The following EXOC1 variants were observed in gnomAD, a reference collection of about 807,000 sequenced individuals.
EXOC1 encodes exocyst complex component 1, also known as SEC3-like 1.
In EXOC1, 67 loss-of-function variants were observed where a neutral mutation model predicts 107.7. The ratio of observed to expected loss-of-function variants is 0.62; its 90% CI spans 0.51 to 0.76. The LOEUF (loss-of-function observed/expected upper bound fraction) is 0.76, where lower values mean the gene tolerates loss of function less well. Ranked by LOEUF, EXOC1 falls within the 30% of genes least tolerant of loss-of-function variation. The pLI is 0.00. For missense variants in EXOC1, 833 were observed against 1,055.7 expected, an observed-to-expected ratio of 0.79 and a Z score of 2.92; for synonymous variants, 348 against 353.5, an observed-to-expected ratio of 0.98 and a Z score of 0.17.
intron 15 of EXOC1, 88 bp from the exon 16 acceptor site, chr4:55,896,629 A>T: frequency 9.4e-7 from 1 of 1,059,994 alleles, no homozygotes; most frequent in Non-Finnish European, 1.3e-6. Flanking sequence ...GTATATATCT[A>T]TATCTCCATC....
chr4:55,878,955 G>A (rs1343578822), intron 9 of EXOC1, among the ~76,000 whole-genome samples: 1 of 152,220 alleles, frequency 6.6e-6, no homozygotes, highest in East Asian at 1.9e-4. Flanking sequence ...GTTGAGCCAG[G>A]AAGATGGTGT....
intron 9 of EXOC1, among the ~76,000 whole-genome samples, chr4:55,882,296 G>A (rs563700028): frequency 4.5e-4 from 68 of 151,974 alleles, no homozygotes; most frequent in Admixed American, 2.0e-3. Context: ...ATGTGCCACC[G>A]CTCCCGGCTA....
intron 4 of EXOC1, among the ~76,000 whole-genome samples, chr4:55,866,038 TG>T (rs1360478330): frequency 6.6e-6 from 1 of 152,162 alleles, no homozygotes; most frequent in Admixed American, 6.5e-5. Context: ...TCTACAAACT[TG>T]TTTTATGGAC....
intron 15 of EXOC1, among the ~76,000 whole-genome samples, chr4:55,894,645 G>C (rs1196393645): frequency 1.2e-5 from 1 of 83,838 alleles, no homozygotes; most frequent in African/African-American, 4.8e-5. Context: ...TTTTTGAGAT[G>C]GAGTCTCGTT....
intron 2 of EXOC1, among the ~76,000 whole-genome samples, chr4:55,859,487 A>G (rs1721281265): frequency 6.6e-6 from 1 of 152,144 alleles, no homozygotes. Context: ...ATGTCTATCA[A>G]TCTTGCCAAA....
intron 4 of EXOC1, among the ~76,000 whole-genome samples, chr4:55,867,647 C>T (rs1722076036): frequency 6.6e-6 from 1 of 151,576 alleles, no homozygotes; most frequent in Admixed American, 6.6e-5. Context: ...AGCATGAAGC[C>T]TGTTTAACTT....
At chr4:55,892,109 T>G (rs1724627835) in intron 13 of EXOC1, among the ~76,000 whole-genome samples, 1 of 152,222 alleles carries the variant, frequency 6.6e-6, no homozygotes, top group Admixed American at 6.5e-5. Flanking sequence ...AGTCATAAAA[T>G]AAATGAGAAA....
intron 8 of EXOC1, among the ~76,000 whole-genome samples, chr4:55,873,244 A>G (rs1434146185): frequency 6.6e-6 from 1 of 152,160 alleles, no homozygotes; most frequent in Non-Finnish European, 1.5e-5. Flanking sequence ...ATGTTATGAC[A>G]GCGAGACTGT....
chr4:55,899,608 A>T, intron 16 of EXOC1, 77 bp from the exon 17 acceptor site: 2 of 1,302,862 alleles, frequency 1.5e-6, no homozygotes, highest in Non-Finnish European at 2.1e-6. Context: ...ATGAAAAAAA[A>T]TTAATAGTAT....
chr4:55,858,188 T>C, intron 1 of EXOC1, 126 bp from the exon 2 acceptor site: 1 of 812,402 alleles, frequency 1.2e-6, no homozygotes, highest in Non-Finnish European at 1.8e-6. Context: ...GATATAGGTG[T>C]ATTCATATAT....
intron 9 of EXOC1, among the ~76,000 whole-genome samples, chr4:55,882,099 T>TTTGTTG (rs57694786): frequency 0.66 from 100,263 of 150,920 alleles, 33,986 homozygotes; most frequent in East Asian, 0.81. Context: ...CCATAGGGTT[T>TTTGTTG]TTGTTGTTGT....
rs576337377 is a variant in EXOC1 at position 55,863,039 on chromosome 4, T to C, written c.256-1188T>C. Among the ~76,000 whole-genome samples, 11 of 152,174 alleles carry C rather than the reference T, an allele frequency of 7.2e-5. No individual in the cohort carries two copies. The South Asian group carries it at 1.5e-3, about 20-fold the overall frequency. On this transcript the variant is annotated intron_variant, in intron 3 of 18. Transcript: ENST00000381295. ...CCTTAGCCTCCCGAGTAGCTGGGAC[T>C]ACACGTACATGCCACTACACCCGGC...
chr4:55,876,797 T>C (rs1482004431), intron 8 of EXOC1: 21 of 984,198 alleles, frequency 2.1e-5, no homozygotes, highest in Non-Finnish European at 2.5e-5. Flanking sequence ...ATGTAATTTC[T>C]GTATAATGGG....
rs772700227 is a variant in EXOC1 at position 55,894,614 on chromosome 4, C to CTTTTTT, written c.1953+854_1953+859dup. On this transcript the variant is annotated intron_variant, in intron 15 of 18. Coordinates refer to ENST00000381295, the MANE Select transcript of EXOC1 (RefSeq NM_001024924.2). Reference sequence around the variant, plus strand: ...TTGACAACTTTCTTACTATCTGTTACTTTTTTTTTTTTTTTTTTTTTTTTT... The same window carrying CTTTTTT: ...TTGACAACTTTCTTACTATCTGTTACTTTTTTTTTTTTTTTTTTTTTTTTTTTTTTT... 3.9e-3 allele frequency among the ~76,000 whole-genome samples: 299 copies of CTTTTTT among 76,098 alleles called. 1 individual carries two copies. Among genetic ancestry groups the CTTTTTT allele is most frequent in the Middle Eastern group, 0.022 (1 of 46 alleles). The allele number at this position is 76,098 out of a possible 152,430, so 49.9% of individuals were successfully genotyped here.
At chr4:55,886,567 CAAAAAAACAAAAAAA>C (rs1401616205) in intron 10 of EXOC1, among the ~76,000 whole-genome samples, 2 of 119,684 alleles carry the variant, frequency 1.7e-5, no homozygotes, top group African/African-American at 6.3e-5. Context: ...AACAAAAAAA[CAAAAAAACAAAAAAA>C]AAAAAAACAA....
Position 55,893,775 on chromosome 4 carries a change from T to TG in EXOC1, c.1949dup (p.Cys650TrpfsTer3), listed in dbSNP as rs781045641. On this transcript the variant is annotated frameshift_variant, in exon 15 of 19. Coordinates refer to ENST00000381295, the MANE Select transcript of EXOC1 (RefSeq NM_001024924.2). LOFTEE classifies it high-confidence loss of function. ...GACTGTCAAAAGGAACTTTGACAAA[T>TG]GCATTGTAAGTTTTCTTTTTTAAAA... 1 of 1,610,380 alleles carries TG rather than the reference T, an allele frequency of 6.2e-7. No individual in the cohort carries two copies. The highest frequency in any genetic ancestry group is 1.1e-5 in the South Asian group (1 of 90,342).
intron 8 of EXOC1, among the ~76,000 whole-genome samples, chr4:55,872,196 C>G (rs1185288860): frequency 6.6e-6 from 1 of 152,070 alleles, no homozygotes; most frequent in African/African-American, 2.4e-5. Context: ...TTCTAGAAAT[C>G]AAATAACTAT....
intron 3 of EXOC1, among the ~76,000 whole-genome samples, chr4:55,862,819 C>T (rs926842098): frequency 6.6e-6 from 1 of 152,052 alleles, no homozygotes; most frequent in Non-Finnish European, 1.5e-5. Context: ...ATTCTTTTAC[C>T]CTGTAGAACA....
chr4:55,869,987 G>A (rs1225326022), intron 5 of EXOC1, among the ~76,000 whole-genome samples: 1 of 151,816 alleles, frequency 6.6e-6, no homozygotes, highest in Non-Finnish European at 1.5e-5. Flanking sequence ...AGGGAATTCA[G>A]AATCAATAGT....
Sources: allele counts gnomAD v4.1 joint callset (sites outside exome capture counted in the v4.1 genomes callset), GRCh38; gene constraint gnomAD v4.1.1; transcripts MANE v1.5; gene names NCBI Gene and HGNC (gene_info 2026-07-23, HGNC 2026-07-21).